The following NSUN4 variants were observed in gnomAD, a reference collection of about 807,000 sequenced individuals.
The protein encoded by NSUN4 is NOP2/Sun RNA methyltransferase 4.
Under a neutral mutation model 43.8 loss-of-function variants are expected in NSUN4, and 31 were observed. The observed-to-expected ratio is 0.71, with a 90% CI of 0.53 to 0.96. NSUN4 has a LOEUF of 0.96. Among genes scored for constraint, NSUN4 ranks in the 40% least tolerant of loss-of-function variants. The pLI is 0.00. For missense variants in NSUN4, 439 were observed against 475.6 expected, an observed-to-expected ratio of 0.92 and a Z score of 0.72; for synonymous variants, 167 against 184.1, an observed-to-expected ratio of 0.91 and a Z score of 0.75.
intron 1 of NSUN4, chr1:46,341,507 A>G (rs1662102174): frequency 1.9e-6 from 2 of 1,050,482 alleles, no homozygotes; most frequent in Non-Finnish European, 2.3e-6. Flanking sequence ...GGTGCAACGA[A>G]TCCTCTCATC....
At chr1:46,373,734 G>A in the NSUN4 span, among the ~76,000 whole-genome samples, 4 of 152,136 alleles carry the variant, frequency 2.6e-5, no homozygotes, top group Non-Finnish European at 5.9e-5. Flanking sequence ...ATCCACTCAC[G>A]AAGGCAGACT....
chr1:46,374,289 C>CAAAAAAAAAAA, the NSUN4 span, among the ~76,000 whole-genome samples: 2 of 42,906 alleles, frequency 4.7e-5, no homozygotes, highest in African/African-American at 1.9e-4. Flanking sequence ...TCTGTCTCAC[C>CAAAAAAAAAAA]AAAAAAAAAA....
chr1:46,358,398 A>ATTTTTTT lies in NSUN4; in HGVS notation c.754-2290_754-2284dup, dbSNP rs34719174. 1.5e-4 allele frequency among the ~76,000 whole-genome samples: 14 copies of ATTTTTTT among 95,456 alleles called. 4 individuals carry two copies. Among genetic ancestry groups the ATTTTTTT allele is most frequent in the Non-Finnish European group, 9.9e-5 (5 of 50,374 alleles). The allele number at this position is 95,456 out of a possible 152,430, so 62.6% of individuals were successfully genotyped here. ...GGCATGAGCTACTGCTCCTGGCCTA[A>ATTTTTTT]TTTTTTTTTTTTTTTTTTTTTTGAG... On this transcript the variant is annotated intron_variant, in intron 4 of 5. Transcript: ENST00000474844.
At chr1:46,353,304 G>A (rs1270898555) in intron 4 of NSUN4, among the ~76,000 whole-genome samples, 1 of 152,182 alleles carries the variant, frequency 6.6e-6, no homozygotes, top group Admixed American at 6.5e-5. Flanking sequence ...AAGTCACTTG[G>A]TTGCTCAGAA....
chr1:46,352,557 AGGAAAAG>A (rs1237648679), intron 3 of NSUN4, among the ~76,000 whole-genome samples: 3 of 151,588 alleles, frequency 2.0e-5, no homozygotes, highest in Admixed American at 1.3e-4. Flanking sequence ...TAATGGGGAA[AGGAAAAG>A]GGGAAAGGGG....
At position 46,360,228 on chromosome 1, in the gene NSUN4, CAAAAAAA is replaced by C. The variant is rs1240539714; in HGVS notation, c.754-460_754-454del. Among the ~76,000 whole-genome samples the C allele has an allele frequency of 1.2e-3, 41 of 35,018 alleles. 2 individuals carry two copies. Among genetic ancestry groups the C allele is most frequent in the African/African-American group, 6.2e-3 (36 of 5,852 alleles). The allele number at this position is 35,018 out of a possible 152,430, so 23.0% of individuals were successfully genotyped here. On this transcript the variant is annotated intron_variant, in intron 4 of 5. Transcript: ENST00000474844. ...TGGGCGACAGAGCAAGACTCCATCT[CAAAAAAA>C]AAAAAAAAAAAAAAATATATATATA...
At chr1:46,343,288 AT>A (rs1236069746) in intron 1 of NSUN4, 4 of 399,458 alleles carry the variant, frequency 1.0e-5, no homozygotes, top group Non-Finnish European at 1.8e-5. Context: ...ACCCACATCT[AT>A]TCTTTTATCC....
chr1:46,352,736 C>A, intron 3 of NSUN4, 132 bp from the exon 4 acceptor site: 1 of 833,222 alleles, frequency 1.2e-6, no homozygotes, highest in Non-Finnish European at 2.0e-6. Context: ...GTGCCATGCA[C>A]ATAATAAATG....
At chr1:46,356,723 C>A (rs921292381) in intron 4 of NSUN4, among the ~76,000 whole-genome samples, 11 of 151,918 alleles carry the variant, frequency 7.2e-5, no homozygotes, top group Admixed American at 3.3e-4. Context: ...AAGAAGAATA[C>A]TACTTCAGGG....
intron 4 of NSUN4, among the ~76,000 whole-genome samples, chr1:46,354,716 G>T (rs865871894): frequency 6.6e-6 from 1 of 151,526 alleles, no homozygotes; most frequent in Admixed American, 6.6e-5. Flanking sequence ...GTGCAGTGGC[G>T]CAATCTTGGC....
At position 46,345,162 on chromosome 1, in the gene NSUN4, G is replaced by T; in HGVS notation, c.437+18G>T. Reference sequence around the variant, plus strand: ...CCTGCCAGGTAGGATCTGGAGCCATGACTGGAGCGGTCCTGAGTGTCTGCT... The same window carrying T: ...CCTGCCAGGTAGGATCTGGAGCCATTACTGGAGCGGTCCTGAGTGTCTGCT... On this transcript the variant is annotated intron_variant, in intron 2 of 5. Transcript: ENST00000474844. The T allele has an allele frequency of 1.9e-6, 3 of 1,570,356 alleles. No individual in the cohort carries two copies. In the South Asian group the frequency reaches 3.5e-5, roughly 18 times the overall value.
the NSUN4 span, among the ~76,000 whole-genome samples, chr1:46,379,443 C>T: frequency 5.3e-5 from 8 of 152,196 alleles, no homozygotes; most frequent in Admixed American, 2.0e-4. Context: ...GGTGAAACCC[C>T]GTCTCTACTA....
downstream of NSUN4, among the ~76,000 whole-genome samples, chr1:46,367,625 A>G (rs1192670045): frequency 2.0e-5 from 3 of 152,268 alleles, no homozygotes; most frequent in East Asian, 1.9e-4. Flanking sequence ...ATTGAACAGT[A>G]CTGCTCCTTG....
the NSUN4 span, among the ~76,000 whole-genome samples, chr1:46,380,282 T>C: frequency 6.6e-6 from 1 of 152,218 alleles, no homozygotes; most frequent in Admixed American, 6.5e-5. Flanking sequence ...TGACTGCGGA[T>C]GCTGACAGGG....
rs1477964941 is a variant in NSUN4 at position 46,345,023 on chromosome 1, T to G, written c.316T>G (p.Trp106Gly). The G allele has an allele frequency of 6.2e-7, 1 of 1,614,060 alleles. No homozygotes were observed. Among genetic ancestry groups the G allele is most frequent in the Non-Finnish European group, 8.5e-7 (1 of 1,180,010 alleles). ...KDFVNEAISH[W>G]ELQSEGGQSA... is the part of the protein sequence containing the mutation. Reference sequence around the variant, plus strand: ...TTTTGTGAATGAAGCCATCTCCCACTGGGAACTGCAGTCTGAGGGTGGCCA... The same window carrying G: ...TTTTGTGAATGAAGCCATCTCCCACGGGGAACTGCAGTCTGAGGGTGGCCA... The change falls in exon 2 of 6, where the codon TGG (tryptophan) becomes GGG (glycine). Residue 106 changes from tryptophan (W) to glycine (G), a missense_variant. Transcript: ENST00000474844.
chr1:46,341,241 T>A, intron 1 of NSUN4: 1 of 810,612 alleles, frequency 1.2e-6, no homozygotes, highest in Non-Finnish European at 1.5e-6. Context: ...CCACTCCCCC[T>A]TTTACTTCCC....
the NSUN4 span, among the ~76,000 whole-genome samples, chr1:46,382,150 C>A: frequency 5.4e-3 from 824 of 152,266 alleles, 8 homozygotes; most frequent in Middle Eastern, 0.034. Flanking sequence ...TAACCAGCCC[C>A]CTTAGAAAAG....
At chr1:46,347,811 TC>T (rs1662623643) in intron 3 of NSUN4, among the ~76,000 whole-genome samples, 1 of 152,114 alleles carries the variant, frequency 6.6e-6, no homozygotes, top group Admixed American at 6.6e-5. Context: ...TGTTAAATTT[TC>T]TCCCTGGAAT....
At chr1:46,379,170 G>A in the NSUN4 span, among the ~76,000 whole-genome samples, 2 of 152,318 alleles carry the variant, frequency 1.3e-5, no homozygotes, top group Admixed American at 1.3e-4. Flanking sequence ...GGAGGGTGTA[G>A]AGGTTGGTAG....
Sources: gnomAD v4.1 joint callset for allele counts (sites outside exome capture counted in the v4.1 genomes callset) on GRCh38, gnomAD v4.1.1 for gene constraint, MANE v1.5 for transcripts, NCBI Gene and HGNC (gene_info 2026-07-23, HGNC 2026-07-21) for gene names.